Variants in SLC38A9 observed in about 807,000 individuals in gnomAD.
SLC38A9 encodes the protein neutral amino acid transporter 9.
In SLC38A9, 48 loss-of-function variants were observed where a neutral mutation model predicts 62.3. That is an observed-to-expected ratio of 0.77 (90% CI 0.61 to 0.98). The LOEUF is 0.98. Ranked by LOEUF, SLC38A9 falls within the 50% of genes least tolerant of loss-of-function variation. The pLI, the probability that SLC38A9 is intolerant of heterozygous loss-of-function variation, is 0.00. For synonymous variants in SLC38A9, 204 were observed against 227.7 expected, an observed-to-expected ratio of 0.90 and a Z score of 0.94; for missense variants, 541 against 679.8, an observed-to-expected ratio of 0.80 and a Z score of 2.27.
chr5:55,706,441 T>C (rs915520153), intron 2 of SLC38A9, among the ~76,000 whole-genome samples: 1 of 152,102 alleles, frequency 6.6e-6, no homozygotes, highest in African/African-American at 2.4e-5. Flanking sequence ...AGAGGAGAAA[T>C]CTAGAAAGAT....
In SLC38A9 at chr5:55,626,574, G is replaced by A. The variant is rs766248826; in HGVS notation, c.1606C>T (p.Leu536=). The change falls in exon 16 of 16, where the codon CTG becomes TTG. Residue 536 remains leucine, a synonymous_variant. Coordinates refer to ENST00000396865, the MANE Select transcript of SLC38A9 (RefSeq NM_173514.4). ...TGGAAGATTAATTTAGGCCATGTCA[G>A]ACGCTCTTCTTGGTGGAGGGAAATT... ...YIISLHQEER[L]TWPKLIFHVF... is the part of the protein sequence containing the mutation. The A allele has an allele frequency of 6.2e-7, 1 of 1,613,966 alleles. No individual in the cohort carries two copies.
intron 12 of SLC38A9, among the ~76,000 whole-genome samples, chr5:55,644,875 A>C (rs1367212326): frequency 1.4e-3 from 174 of 125,346 alleles, no homozygotes; most frequent in African/African-American, 3.1e-3. Flanking sequence ...CACTCCCCCC[A>C]CCCCACAACA....
At chr5:55,633,110 T>C (rs1743794258) in intron 14 of SLC38A9, among the ~76,000 whole-genome samples, 1 of 152,000 alleles carries the variant, frequency 6.6e-6, no homozygotes, top group Non-Finnish European at 1.5e-5. Flanking sequence ...CAAACGATCC[T>C]CCTCCTCCCA....
At chr5:55,669,717 T>C (rs780131917) in intron 5 of SLC38A9, 41 bp downstream of exon 5, 21 of 1,604,838 alleles carry the variant, frequency 1.3e-5, no homozygotes, top group Middle Eastern at 3.3e-4. Context: ...TTTTCATCCA[T>C]ATACAGTTTA....
intron 11 of SLC38A9, among the ~76,000 whole-genome samples, chr5:55,647,106 G>C (rs1265494539): frequency 6.6e-6 from 1 of 152,062 alleles, no homozygotes; most frequent in Non-Finnish European, 1.5e-5. Context: ...AAAGAAAAAA[G>C]ACTGGTGAGG....
chr5:55,652,807 A>G, intron 9 of SLC38A9, 84 bp from the exon 10 acceptor site: 3 of 1,156,966 alleles, frequency 2.6e-6, no homozygotes, highest in Non-Finnish European at 3.6e-6. Context: ...CTGCCTCTAG[A>G]GACAGACACT....
chr5:55,674,351 CTCCAATTCAACAGT>C (rs1349579595), intron 3 of SLC38A9, among the ~76,000 whole-genome samples: 1 of 152,142 alleles, frequency 6.6e-6, no homozygotes, highest in Non-Finnish European at 1.5e-5. Context: ...GGAAGAAAAT[CTCCAATTCAACAGT>C]CCCAACAGTG....
At chr5:55,693,068 T>C (rs1165843991) in intron 3 of SLC38A9, 1 of 900,190 alleles carries the variant, frequency 1.1e-6, no homozygotes, top group Non-Finnish European at 1.3e-6. Context: ...GAAGACCCAT[T>C]GTGACTCAAA....
chr5:55,651,960 C>CA (rs757551549), intron 10 of SLC38A9, among the ~76,000 whole-genome samples: 1,501 of 84,052 alleles, frequency 0.018, 10 homozygotes, highest in Middle Eastern at 0.1. Context: ...ATTCATGTCT[C>CA]AAAAAAAAAA....
At chr5:55,651,861 T>C (rs549782581) in intron 10 of SLC38A9, among the ~76,000 whole-genome samples, 3 of 151,974 alleles carry the variant, frequency 2.0e-5, no homozygotes, top group Non-Finnish European at 4.4e-5. Context: ...GGATCTCTCC[T>C]CCTGAAATTT....
At chr5:55,711,114 G>A (rs1757974646) in intron 2 of SLC38A9, among the ~76,000 whole-genome samples, 1 of 150,854 alleles carries the variant, frequency 6.6e-6, no homozygotes, top group Admixed American at 6.6e-5. Flanking sequence ...CCAACATGGT[G>A]AAACCCCGTT....
chr5:55,660,019 G>T (rs1387093647), intron 8 of SLC38A9, among the ~76,000 whole-genome samples: 1 of 151,656 alleles, frequency 6.6e-6, no homozygotes, highest in Non-Finnish European at 1.5e-5. Flanking sequence ...GCCCGCCTTG[G>T]CCTCCCAAAG....
At chr5:55,663,904 T>C (rs1750035863) in intron 8 of SLC38A9, among the ~76,000 whole-genome samples, 1 of 152,222 alleles carries the variant, frequency 6.6e-6, no homozygotes, top group African/African-American at 2.4e-5. Context: ...TTCACGTAAA[T>C]CCAGATTTTA....
chr5:55,658,549 C>T (rs1748893602), intron 8 of SLC38A9, among the ~76,000 whole-genome samples: 1 of 152,112 alleles, frequency 6.6e-6, no homozygotes, highest in South Asian at 2.1e-4. Flanking sequence ...TACCTACTTG[C>T]CAAGGAATGC....
chr5:55,646,745 A>G (rs533965373), intron 11 of SLC38A9, among the ~76,000 whole-genome samples: 1 of 152,008 alleles, frequency 6.6e-6, no homozygotes, highest in Admixed American at 6.6e-5. Context: ...CTGTGATTTT[A>G]CTTTTTATTG....
chr5:55,695,387 T>C lies in SLC38A9; in HGVS notation c.113+2459A>G, dbSNP rs7720034. Among the ~76,000 whole-genome samples the C allele has an allele frequency of 3.8e-3, 362 of 96,376 alleles. 17 individuals carry two copies. Among genetic ancestry groups the C allele is most frequent in the African/African-American group, 0.012 (354 of 29,770 alleles). 63.2% of individuals were successfully genotyped at this position (96,376 alleles called of 152,430 possible). A position where few individuals can be genotyped will look rare whatever the true frequency, so the allele number is the denominator to read the frequency against. On this transcript the variant is annotated intron_variant, in intron 3 of 15. Transcript: ENST00000396865. ...AGATAAACAAGTGAACAAAGGTCTCTGGTTTTCCTAGGCAGAGGACCCTGC... is the reference window on the plus strand; with the variant it reads ...AGATAAACAAGTGAACAAAGGTCTCCGGTTTTCCTAGGCAGAGGACCCTGC...
At chr5:55,696,504 C>T (rs1580406357) in intron 3 of SLC38A9, 1 of 36,160 alleles carries the variant, frequency 2.8e-5, no homozygotes, top group Non-Finnish European at 7.2e-5. Flanking sequence ...CTGGACGGGG[C>T]GGCTGGCCGG....
chr5:55,700,177 C>G (rs1352753099), intron 2 of SLC38A9, among the ~76,000 whole-genome samples: 2 of 151,836 alleles, frequency 1.3e-5, no homozygotes, highest in Non-Finnish European at 2.9e-5. Flanking sequence ...CCCGTCTCTA[C>G]TAAAAACATA....
At chr5:55,683,624 C>T (rs981058550) in intron 3 of SLC38A9, among the ~76,000 whole-genome samples, 2 of 152,178 alleles carry the variant, frequency 1.3e-5, no homozygotes, top group African/African-American at 2.4e-5. Context: ...CATTTGCTTT[C>T]AAACTTCTCA....
Sources: allele counts gnomAD v4.1 joint callset (sites outside exome capture counted in the v4.1 genomes callset), GRCh38; gene constraint gnomAD v4.1.1; transcripts MANE v1.5; gene names NCBI Gene and HGNC (gene_info 2026-07-23, HGNC 2026-07-21).